NELL1: variants seen among roughly 807,000 people sequenced by gnomAD.
The protein encoded by NELL1 is neural EGFL like 1, also known as protein kinase C-binding protein NELL1.
In NELL1, 76 loss-of-function variants were observed where a neutral mutation model predicts 107.4. The observed-to-expected ratio is 0.71, with a 90% CI of 0.59 to 0.86. NELL1 has a LOEUF of 0.86. NELL1 is among the 40% of genes least tolerant of loss of function. The pLI, the probability that NELL1 is intolerant of heterozygous loss-of-function variation, is 0.00. For synonymous variants in NELL1, 353 were observed against 341.2 expected (o/e 1.03, Z -0.38); for missense variants, 1,024 against 1,005.5 (o/e 1.02, Z -0.25).
chr11:21,026,961 T>A (rs575017841), intron 12 of NELL1, among the ~76,000 whole-genome samples: 2 of 152,240 alleles, frequency 1.3e-5, no homozygotes, highest in African/African-American at 2.4e-5. Context: ...AATTTTAGGC[T>A]TCTTGGGCTT....
intron 15 of NELL1, among the ~76,000 whole-genome samples, chr11:21,435,178 C>G (rs897047511): frequency 2.0e-5 from 3 of 151,852 alleles, no homozygotes; most frequent in African/African-American, 7.3e-5. Context: ...TTTCTCTAGG[C>G]TATTTTCTCT....
chr11:21,095,698 C>T (rs917541202), intron 12 of NELL1, among the ~76,000 whole-genome samples: 6 of 152,060 alleles, frequency 3.9e-5, no homozygotes, highest in East Asian at 1.9e-4. Context: ...ACAGCCTCCA[C>T]CTCCTGGGTT....
rs569305864 is a variant in NELL1, at chr11:21,571,593, C to G, written c.2157+653C>G. Among the ~76,000 whole-genome samples the G allele has an allele frequency of 1.4e-4, 21 of 151,772 alleles. No homozygotes were observed. In the South Asian group the frequency reaches 4.4e-3, roughly 32 times the overall value. ...AGTAACTATTGTTAATACTTCCTAC[C>G]TTGAAAAATCTTTTCAGATACTACA... On this transcript the variant is annotated intron_variant, in intron 18 of 19. Transcript: ENST00000357134.
intron 2 of NELL1, among the ~76,000 whole-genome samples, chr11:20,761,655 G>A (rs549338831): frequency 1.4e-4 from 21 of 152,160 alleles, no homozygotes; most frequent in African/African-American, 1.9e-4. Context: ...AAGTTTTAGC[G>A]AAGGAATGAC....
At chr11:20,698,795 T>G (rs1854690503) in intron 2 of NELL1, among the ~76,000 whole-genome samples, 1 of 152,176 alleles carries the variant, frequency 6.6e-6, no homozygotes, top group South Asian at 2.1e-4. Context: ...CTCACCCCAT[T>G]CCTACCCTTC....
chr11:20,953,912 G>A (rs968196238), intron 11 of NELL1, among the ~76,000 whole-genome samples: 1 of 152,178 alleles, frequency 6.6e-6, no homozygotes, highest in African/African-American at 2.4e-5. Flanking sequence ...GATGAATGCG[G>A]ACATGTTTAT....
intron 14 of NELL1, among the ~76,000 whole-genome samples, chr11:21,330,711 G>C (rs1355534449): frequency 6.6e-6 from 1 of 151,880 alleles, no homozygotes; most frequent in African/African-American, 2.4e-5. Context: ...GTATATCTGT[G>C]TTTATCTTAC....
intron 14 of NELL1, among the ~76,000 whole-genome samples, chr11:21,328,862 G>C (rs1318986498): frequency 2.0e-5 from 3 of 152,000 alleles, no homozygotes; most frequent in African/African-American, 7.2e-5. Context: ...CCTTTGTTTT[G>C]GCCAATTTCT....
intron 14 of NELL1, among the ~76,000 whole-genome samples, chr11:21,299,011 C>T (rs1222449865): frequency 6.6e-6 from 1 of 151,874 alleles, no homozygotes; most frequent in East Asian, 1.9e-4. Context: ...AGTTTTTATA[C>T]AGATTGGCAG....
intron 5 of NELL1, among the ~76,000 whole-genome samples, chr11:20,911,058 G>C (rs1850120130): frequency 6.6e-6 from 1 of 152,166 alleles, no homozygotes; most frequent in African/African-American, 2.4e-5. Context: ...TTCTGTTTTA[G>C]TTATGAGGAT....
intron 15 of NELL1, among the ~76,000 whole-genome samples, chr11:21,434,748 A>G (rs1199837679): frequency 6.6e-6 from 1 of 152,058 alleles, no homozygotes; most frequent in African/African-American, 2.4e-5. Flanking sequence ...TGTTATTGGT[A>G]TTTTGATGGG....
intron 13 of NELL1, among the ~76,000 whole-genome samples, chr11:21,150,291 AT>A (rs1426392663): frequency 6.6e-6 from 1 of 152,134 alleles, no homozygotes; most frequent in Non-Finnish European, 1.5e-5. Context: ...TCCACCGTAT[AT>A]TACTCAAAGT....
intron 15 of NELL1, among the ~76,000 whole-genome samples, chr11:21,514,726 T>A (rs1855516624): frequency 7.0e-6 from 1 of 143,196 alleles, no homozygotes; most frequent in South Asian, 2.1e-4. Context: ...GTTTGGGTCA[T>A]CTATGCTAAG....
chr11:21,012,547 C>A (rs1852470969), intron 12 of NELL1, among the ~76,000 whole-genome samples: 2 of 152,072 alleles, frequency 1.3e-5, no homozygotes, highest in South Asian at 2.1e-4. Context: ...TTTATCAAGA[C>A]AGGGGAATTG....
chr11:20,927,927 A>T (rs1328195918), intron 8 of NELL1, among the ~76,000 whole-genome samples: 1 of 152,130 alleles, frequency 6.6e-6, no homozygotes, highest in Non-Finnish European at 1.5e-5. Flanking sequence ...ATATCCCTTC[A>T]TCTGTTTCAG....
At chr11:21,461,534 G>C (rs10833541) in intron 15 of NELL1, among the ~76,000 whole-genome samples, 53,036 of 151,826 alleles carry the variant, frequency 0.35, 10,206 homozygotes, top group East Asian at 0.44. Flanking sequence ...TCCCATTGTT[G>C]GTCGGTCAGA....
intron 13 of NELL1, among the ~76,000 whole-genome samples, chr11:21,118,516 C>G (rs146355952): frequency 3.9e-5 from 6 of 152,188 alleles, no homozygotes; most frequent in African/African-American, 1.4e-4. Context: ...AGACTTCCTT[C>G]CCTTAGTGGT....
intron 2 of NELL1, among the ~76,000 whole-genome samples, chr11:20,732,504 G>A (rs1396560756): frequency 6.6e-6 from 1 of 152,140 alleles, no homozygotes; most frequent in East Asian, 1.9e-4. Context: ...GAGCATTAAT[G>A]GTGTGCCTGA....
At chr11:20,837,490 G>A (rs1848554872) in intron 3 of NELL1, among the ~76,000 whole-genome samples, 1 of 152,154 alleles carries the variant, frequency 6.6e-6, no homozygotes, top group Non-Finnish European at 1.5e-5. Context: ...ATACCTTGTA[G>A]CCATGAGCAC....
Sources: gnomAD v4.1 joint callset for allele counts (sites outside exome capture counted in the v4.1 genomes callset) on GRCh38, gnomAD v4.1.1 for gene constraint, MANE v1.5 for transcripts, NCBI Gene and HGNC (gene_info 2026-07-23, HGNC 2026-07-21) for gene names.